The following KCNH5 variants were observed in gnomAD, a reference collection of about 807,000 sequenced individuals.
KCNH5 encodes the protein potassium voltage-gated channel subfamily H member 5.
A neutral mutation model predicts 96.1 loss-of-function variants in KCNH5; 46 were observed. The ratio of observed to expected loss-of-function variants is 0.48; its 90% CI spans 0.38 to 0.61. The LOEUF (loss-of-function observed/expected upper bound fraction) is 0.61, where lower values mean the gene tolerates loss of function less well. Among genes scored for constraint, KCNH5 ranks in the 20% least tolerant of loss-of-function variants. KCNH5 has a pLI of 0.00. For synonymous variants in KCNH5, 439 were observed against 449.8 expected (o/e 0.98, Z 0.30); for missense variants, 907 against 1,225.8 (o/e 0.74, Z 3.88).
At chr14:63,024,551 AAG>A (rs1361655635) in intron 1 of KCNH5, among the ~76,000 whole-genome samples, 4 of 152,092 alleles carry the variant, frequency 2.6e-5, no homozygotes, top group Non-Finnish European at 5.9e-5. Context: ...ATACTAAGGA[AAG>A]AGAGAGAAGA....
In KCNH5 at chr14:62,703,513, G is replaced by A. The variant is rs568991306; in HGVS notation, c.*3995C>T. Reference sequence around the variant, plus strand: ...ATCTTTGTTTTCTTATTTATTGGCGGGGAAATGGTACCATTTGGTACACTA... The same window carrying A: ...ATCTTTGTTTTCTTATTTATTGGCGAGGAAATGGTACCATTTGGTACACTA... On this transcript the variant is annotated 3_prime_UTR_variant, in exon 11 of 11. Coordinates refer to ENST00000322893, the MANE Select transcript of KCNH5 (RefSeq NM_139318.5). The A allele has an allele frequency of 6.6e-6, 1 of 151,888 alleles. No homozygotes were observed. Among genetic ancestry groups the A allele is most frequent in the Admixed American group, 6.5e-5 (1 of 15,278 alleles). The allele number at this position is 151,888 out of a possible 1,614,324, so 9.4% of individuals were successfully genotyped here.
intron 8 of KCNH5, among the ~76,000 whole-genome samples, chr14:62,815,285 T>C (rs1037576034): frequency 1.3e-5 from 2 of 152,132 alleles, no homozygotes; most frequent in African/African-American, 4.8e-5. Flanking sequence ...GGGCCAGAGT[T>C]GGTTAATTCC....
Position 62,981,256 on chromosome 14 carries a change from C to G in KCNH5, c.558G>C (p.Gln186His), listed in dbSNP as rs754746129. 6.2e-7 allele frequency: 1 copy of G among 1,613,928 alleles called. No individual in the cohort carries two copies. The highest frequency in any genetic ancestry group is 8.5e-7 in the Non-Finnish European group (1 of 1,179,944). ...ACTGAGGAAGGATATCTGATCCCAG[C>G]TGAAGAACCTAAAAGAGAGAAAATG... The part of the protein sequence containing the change: ...HKHSRLAEVL[Q>H]LGSDILPQYK... Residue 186 changes from glutamine to histidine, a missense_variant, in exon 6 of 11, where the codon CAG becomes CAC. Transcript: ENST00000322893.
intron 1 of KCNH5, among the ~76,000 whole-genome samples, chr14:63,020,759 C>T (rs1891411155): frequency 6.6e-6 from 1 of 152,044 alleles, no homozygotes; most frequent in South Asian, 2.1e-4. Context: ...TTGAACTGTG[C>T]AGTTAAGATC....
intron 10 of KCNH5, among the ~76,000 whole-genome samples, chr14:62,751,657 T>TA (rs2139945461): frequency 6.6e-6 from 1 of 152,318 alleles, no homozygotes; most frequent in Non-Finnish European, 1.5e-5. Context: ...CCTTTCAGCT[T>TA]CCCTTGTTCA....
At chr14:62,946,812 G>T (rs528493138) in intron 7 of KCNH5, among the ~76,000 whole-genome samples, 36 of 152,150 alleles carry the variant, frequency 2.4e-4, no homozygotes, top group African/African-American at 8.7e-4. Flanking sequence ...AGCGGAGAAA[G>T]TCCATTTCAA....
At chr14:63,043,893 C>T (rs1226225923) in intron 1 of KCNH5, among the ~76,000 whole-genome samples, 2 of 152,100 alleles carry the variant, frequency 1.3e-5, no homozygotes, top group Non-Finnish European at 2.9e-5. Flanking sequence ...TCTGTCTTTC[C>T]CTGTGCCTCC....
intron 1 of KCNH5, among the ~76,000 whole-genome samples, chr14:63,044,661 G>T (rs1891888045): frequency 6.6e-6 from 1 of 152,170 alleles, no homozygotes; most frequent in African/African-American, 2.4e-5. Flanking sequence ...CCTTTCCAGA[G>T]ATTTAAATCT....
At chr14:62,939,770 A>G (rs1889753454) in intron 7 of KCNH5, among the ~76,000 whole-genome samples, 1 of 152,042 alleles carries the variant, frequency 6.6e-6, no homozygotes, top group African/African-American at 2.4e-5. Flanking sequence ...TGAAACCCCC[A>G]ACTCTACTAA....
At chr14:62,721,223 C>T (rs145647104) in intron 10 of KCNH5, among the ~76,000 whole-genome samples, 170 of 152,260 alleles carry the variant, frequency 1.1e-3, no homozygotes, top group Middle Eastern at 6.8e-3. Flanking sequence ...TATTTTAGGA[C>T]TGTAGGGCTT....
At chr14:62,974,140 T>C (rs1890459133) in intron 6 of KCNH5, among the ~76,000 whole-genome samples, 1 of 152,198 alleles carries the variant, frequency 6.6e-6, no homozygotes, top group African/African-American at 2.4e-5. Flanking sequence ...TTAGCAGTCA[T>C]TGTTCTATTC....
chr14:62,921,194 C>G (rs1889375008), intron 7 of KCNH5, among the ~76,000 whole-genome samples: 1 of 152,032 alleles, frequency 6.6e-6, no homozygotes, highest in Non-Finnish European at 1.5e-5. Context: ...TCAGCATGTT[C>G]CGTAATTAAA....
At chr14:63,037,111 T>C (rs1382989584) in intron 1 of KCNH5, among the ~76,000 whole-genome samples, 2 of 152,152 alleles carry the variant, frequency 1.3e-5, no homozygotes, top group Non-Finnish European at 2.9e-5. Context: ...TAATGCTTAT[T>C]TATGTGCCAG....
chr14:62,925,280 T>G (rs938345804), intron 7 of KCNH5, among the ~76,000 whole-genome samples: 3 of 152,000 alleles, frequency 2.0e-5, no homozygotes, highest in African/African-American at 4.8e-5. Flanking sequence ...CAACACTAAT[T>G]AAAGCACACA....
chr14:62,983,229 C>T (rs1273178124), intron 5 of KCNH5, among the ~76,000 whole-genome samples: 1 of 151,962 alleles, frequency 6.6e-6, no homozygotes, highest in East Asian at 1.9e-4. Flanking sequence ...CAAAAATTAG[C>T]CGGGCTTGTT....
chr14:62,935,508 C>T (rs1263299218), intron 7 of KCNH5, among the ~76,000 whole-genome samples: 3 of 152,162 alleles, frequency 2.0e-5, no homozygotes, highest in East Asian at 1.9e-4. Context: ...TGGCAGTAAA[C>T]GAGGGAAAAG....
At chr14:63,005,629 A>G (rs1217883906) in intron 3 of KCNH5, among the ~76,000 whole-genome samples, 5 of 152,242 alleles carry the variant, frequency 3.3e-5, no homozygotes, top group African/African-American at 1.2e-4. Flanking sequence ...GGAAACAGCA[A>G]AAAGATAAAT....
At chr14:62,985,726 C>T (rs916710297) in intron 5 of KCNH5, among the ~76,000 whole-genome samples, 3 of 152,054 alleles carry the variant, frequency 2.0e-5, no homozygotes, top group Non-Finnish European at 4.4e-5. Flanking sequence ...ACTTGAACAG[C>T]CATAACTGTG....
rs1244820394 is a variant in KCNH5 at position 62,706,317 on chromosome 14, C to G, written c.*1191G>C. On this transcript the variant is annotated 3_prime_UTR_variant, in exon 11 of 11. Transcript: ENST00000322893. The stretch of plus-strand genomic sequence containing the variant: ...GCAAAAAGCTTTAAAAAACTATAAC[C>G]ACAATAAAATGATAGAAAAGCAGTT... 1 of 152,072 alleles carries G rather than the reference C, an allele frequency of 6.6e-6. No homozygotes were observed. The highest frequency in any genetic ancestry group is 1.5e-5 in the Non-Finnish European group (1 of 67,968). The allele number at this position is 152,072 out of a possible 1,614,324, so 9.4% of individuals were successfully genotyped here.
Sources: gnomAD v4.1 joint callset for allele counts (sites outside exome capture counted in the v4.1 genomes callset) on GRCh38, gnomAD v4.1.1 for gene constraint, MANE v1.5 for transcripts, NCBI Gene and HGNC (gene_info 2026-07-23, HGNC 2026-07-21) for gene names.